The following WDR33 variants were observed in gnomAD, a reference collection of about 807,000 sequenced individuals.
WDR33 encodes the protein WD repeat domain 33, also known as pre-mRNA 3' end processing protein WDR33.
A neutral mutation model predicts 164.9 loss-of-function variants in WDR33; 47 were observed. The observed-to-expected ratio is 0.29, with a 90% CI of 0.23 to 0.36. The LOEUF (loss-of-function observed/expected upper bound fraction) is 0.36. WDR33 is among the 10% of genes least tolerant of loss of function. The pLI is 1.00. For missense variants in WDR33, 1,137 were observed against 1,754.1 expected (o/e 0.65, Z 6.28); for synonymous variants, 505 against 589.0 (o/e 0.86, Z 2.06).
At chr2:127,809,361 A>G (rs1328035664) in intron 1 of WDR33, among the ~76,000 whole-genome samples, 1 of 152,002 alleles carries the variant, frequency 6.6e-6, no homozygotes, top group African/African-American at 2.4e-5. Context: ...ATCCAAGTTA[A>G]GCCATCAGCT....
At chr2:127,730,819 C>A (rs1376550325) in intron 7 of WDR33, among the ~76,000 whole-genome samples, 1 of 151,998 alleles carries the variant, frequency 6.6e-6, no homozygotes, top group Admixed American at 6.6e-5. Context: ...AACTTCTATC[C>A]ACATTTCCTC....
At position 127,723,093 on chromosome 2, in the gene WDR33, G is replaced by A. The variant is rs373319400; in HGVS notation, c.1292-49C>T. 6.9e-5 allele frequency: 105 copies of A among 1,513,330 alleles called. No homozygotes were observed. The highest frequency in any genetic ancestry group is 4.5e-4 in the South Asian group (37 of 81,736). The allele number at this position is 1,513,330 out of a possible 1,614,324, so 93.7% of individuals were successfully genotyped here. On this transcript the variant is annotated intron_variant, in intron 12 of 21. Transcript: ENST00000322313. This position sits in a 1 kb window ranked among gnomAD's most constrained non-coding sequence, Gnocchi z 5.9. ...TCAATAGAGAATTTACAAAAGTAGC[G>A]ACTGATAAAATTAATGCTTTATAAA...
chr2:127,728,433 C>T (rs1407575693), intron 7 of WDR33, among the ~76,000 whole-genome samples: 3 of 152,080 alleles, frequency 2.0e-5, no homozygotes, highest in East Asian at 1.9e-4. Context: ...GAATTGTTAA[C>T]AGAAATAATA....
chr2:127,776,080 G>A (rs571350087), intron 1 of WDR33, among the ~76,000 whole-genome samples: 13 of 152,162 alleles, frequency 8.5e-5, no homozygotes, highest in African/African-American at 2.4e-4. Flanking sequence ...ATTCACAAAT[G>A]TAAGTCCTAA....
intron 7 of WDR33, among the ~76,000 whole-genome samples, chr2:127,731,809 G>A (rs1355192965): frequency 6.6e-6 from 1 of 152,192 alleles, no homozygotes; most frequent in Non-Finnish European, 1.5e-5. Flanking sequence ...TGCAGGGCCA[G>A]GCACTGTGGC....
At chr2:127,788,273 A>AGGGC (rs1688682013) in intron 1 of WDR33, among the ~76,000 whole-genome samples, 1 of 75,110 alleles carries the variant, frequency 1.3e-5, no homozygotes, top group African/African-American at 5.2e-5. Context: ...CCTCCCGGAC[A>AGGGC]GGGCGGCCGG....
In WDR33 at chr2:127,710,895, G is replaced by A. The variant is rs1459233652; in HGVS notation, c.3309-1039C>T. Among the ~76,000 whole-genome samples, 1 of 152,116 alleles carries A rather than the reference G, an allele frequency of 6.6e-6. No individual in the cohort carries two copies. The highest frequency in any genetic ancestry group is 1.5e-5 in the Non-Finnish European group (1 of 68,008). The stretch of plus-strand genomic sequence containing the variant: ...ATGAACATCCCAGATCCTCCACCCA[G>A]ATCAATCCCTTCTTAATATTTTGCC... On this transcript the variant is annotated intron_variant, in intron 18 of 21. Coordinates refer to ENST00000322313, the MANE Select transcript of WDR33 (RefSeq NM_018383.5). This position sits in a 1 kb window ranked among gnomAD's most constrained non-coding sequence, Gnocchi z 4.4.
intron 2 of WDR33, 72 bp from the exon 3 acceptor site, chr2:127,769,073 C>G: frequency 1.1e-6 from 1 of 908,492 alleles, no homozygotes; most frequent in Non-Finnish European, 1.4e-6. Context: ...TGATTATACT[C>G]AATTTGAAAT....
At position 127,741,551 on chromosome 2, in the gene WDR33, C is replaced by T. The variant is rs186209870; in HGVS notation, c.725-14774G>A. On this transcript the variant is annotated intron_variant, in intron 7 of 21. Transcript: ENST00000322313. This position sits in a 1 kb window ranked among gnomAD's most constrained non-coding sequence, Gnocchi z 4.1. ...ACGAATCCACAGTGAGATCTTCCAT[C>T]CAGGAGAGGACCCTTGTAGGTAAGC... Among the ~76,000 whole-genome samples the T allele has an allele frequency of 1.8e-4, 27 of 152,290 alleles. No homozygotes were observed. The East Asian group carries it at 5.2e-3, about 29-fold the overall frequency.
chr2:127,756,996 G>C (rs149413626), intron 7 of WDR33, among the ~76,000 whole-genome samples: 275 of 151,360 alleles, frequency 1.8e-3, no homozygotes, highest in African/African-American at 6.3e-3. Flanking sequence ...AGAATTGCTT[G>C]AACCTGCAAG....
At chr2:127,736,793 G>A in intron 7 of WDR33, 1 of 985,296 alleles carries the variant, frequency 1.0e-6, no homozygotes, top group Non-Finnish European at 1.2e-6. Flanking sequence ...ACATATACAG[G>A]TATAAGTTTT....
intron 7 of WDR33, among the ~76,000 whole-genome samples, chr2:127,729,788 C>A (rs1295406045): frequency 1.3e-5 from 2 of 152,224 alleles, no homozygotes; most frequent in African/African-American, 4.8e-5. Flanking sequence ...AGCCACTGCA[C>A]CCGGCCAACT....
intron 1 of WDR33, among the ~76,000 whole-genome samples, chr2:127,798,722 G>A (rs1328350976): frequency 1.3e-5 from 2 of 151,882 alleles, no homozygotes; most frequent in African/African-American, 4.8e-5. Context: ...AAAAAACAGT[G>A]TTATTAGAGA....
At chr2:127,731,144 A>G (rs1472466192) in intron 7 of WDR33, among the ~76,000 whole-genome samples, 1 of 151,830 alleles carries the variant, frequency 6.6e-6, no homozygotes, top group African/African-American at 2.4e-5. Context: ...AAAATACAAA[A>G]ATTAGCTGGG....
chr2:127,709,551 G>C lies in WDR33; in HGVS notation c.3504C>G (p.Asp1168Glu), dbSNP rs527396301. 1.9e-6 allele frequency: 3 copies of C among 1,613,960 alleles called. No individual in the cohort carries two copies. The Admixed American group carries it at 5.0e-5, about 27-fold the overall frequency. ...GGRKGLLPTP[D>E]EFPRFEGGRK... ...GCCCTCCTTCAAAGCGAGGGAACTC[G>C]TCAGGAGTGGGAAGTAAACCCTTCC... Residue 1168 changes from aspartate (D) to glutamate (E), a missense_variant, in exon 20 of 22, where the codon GAC becomes GAG. Asp to Glu is a conservative substitution (Grantham distance 45). Around this residue, in one of 9 missense-constraint regions of WDR33, gnomAD observed 867 missense variants for 1,073.0 expected, o/e 0.81. Transcript: ENST00000322313. The surrounding 1 kb of genome is among the most constrained non-coding windows in gnomAD (Gnocchi z 5.0).
intron 1 of WDR33, among the ~76,000 whole-genome samples, chr2:127,788,639 CG>C (rs1688714817): frequency 7.1e-6 from 1 of 141,466 alleles, no homozygotes; most frequent in Non-Finnish European, 1.5e-5. Flanking sequence ...GGCGGCTGGC[CG>C]GGCGGGGGGC....
In WDR33 at chr2:127,721,994, G is replaced by A. The variant is rs1345365168; in HGVS notation, c.1519-6C>T. On this transcript the variant is annotated splice_region_variant and splice_polypyrimidine_tract_variant and intron_variant, in intron 14 of 21. Coordinates refer to ENST00000322313, the MANE Select transcript of WDR33 (RefSeq NM_018383.5). This position sits in a 1 kb window ranked among gnomAD's most constrained non-coding sequence, Gnocchi z 4.9. ...ACTTTATTTTGCATCCAAGCCTTGG[G>A]AAAGAAGAGAATATTAAAATGTACG... 6 of 1,609,210 alleles carry A rather than the reference G, an allele frequency of 3.7e-6. No individual in the cohort carries two copies. The South Asian group carries it at 4.4e-5, about 12-fold the overall frequency.
chr2:127,781,382 T>C (rs767715546), intron 1 of WDR33, among the ~76,000 whole-genome samples: 3 of 152,194 alleles, frequency 2.0e-5, no homozygotes, highest in Non-Finnish European at 4.4e-5. Context: ...TGTTAATATC[T>C]TGATTATGGT....
chr2:127,731,116 G>T (rs945195291), intron 7 of WDR33, among the ~76,000 whole-genome samples: 4 of 151,808 alleles, frequency 2.6e-5, no homozygotes, highest in Non-Finnish European at 5.9e-5. Flanking sequence ...GAAACATAGT[G>T]AGATGCCATT....
Sources: allele counts gnomAD v4.1 joint callset (sites outside exome capture counted in the v4.1 genomes callset), GRCh38; gene constraint gnomAD v4.1.1; regional missense constraint gnomAD v4.1.1; non-coding constraint Gnocchi (gnomAD v3.1); transcripts MANE v1.5; gene names NCBI Gene and HGNC (gene_info 2026-07-23, HGNC 2026-07-21).